IFT43: variants seen among roughly 807,000 people sequenced by gnomAD.
IFT43 encodes the protein intraflagellar transport protein 43 homolog.
A neutral mutation model predicts 32.3 loss-of-function variants in IFT43; 33 were observed. That is an observed-to-expected ratio of 1.02 (90% CI 0.77 to 1.37). The LOEUF (loss-of-function observed/expected upper bound fraction) is 1.37. IFT43 is among the 40% of genes most tolerant of loss of function. The pLI, the probability that IFT43 is intolerant of heterozygous loss-of-function variation, is 0.00. For missense variants in IFT43, 274 were observed against 265.9 expected (o/e 1.03, Z -0.21); for synonymous variants, 93 against 98.2 (o/e 0.95, Z 0.31).
chr14:76,011,951 A>C (rs1258538648), intron 2 of IFT43, among the ~76,000 whole-genome samples: 2 of 152,194 alleles, frequency 1.3e-5, no homozygotes, highest in African/African-American at 2.4e-5. Flanking sequence ...CATATAAAGA[A>C]CAACTTTCTT....
chr14:76,025,162 A>G (rs2036366539), intron 3 of IFT43, among the ~76,000 whole-genome samples: 1 of 152,248 alleles, frequency 6.6e-6, no homozygotes, highest in Non-Finnish European at 1.5e-5. Flanking sequence ...TAGTTTCTCA[A>G]AGAATAGTCA....
intron 2 of IFT43, among the ~76,000 whole-genome samples, chr14:76,016,702 T>A (rs1478583776): frequency 6.6e-6 from 1 of 152,198 alleles, no homozygotes; most frequent in East Asian, 1.9e-4. Flanking sequence ...GGATGTCTAT[T>A]TGTTTATGTC....
rs112340294 is a variant in IFT43, at chr14:75,986,809, C to G, written c.54+969C>G. Among the ~76,000 whole-genome samples, 191 of 152,250 alleles carry G rather than the reference C, an allele frequency of 1.3e-3. 1 individual carries two copies. Among genetic ancestry groups the G allele is most frequent in the African/African-American group, 4.4e-3 (183 of 41,524 alleles). On this transcript the variant is annotated intron_variant, in intron 1 of 8. Transcript: ENST00000314067. ...GTCTTTAGTGTCTGCTGTGAAATCT[C>G]TAAGTGTTTTGAAGGTCACCAGGCC...
At position 75,999,264 on chromosome 14, in the gene IFT43, TATATATATGTATA is replaced by T. The variant is rs1282216609; in HGVS notation, c.147+10288_147+10300del. ...ATATATATATATATATATATATATA[TATATATATGTATA>T]TATATTTTTTTTTTTTTTTTTTTAA... On this transcript the variant is annotated intron_variant, in intron 2 of 8. Transcript: ENST00000314067. 1.0e-3 allele frequency among the ~76,000 whole-genome samples: 27 copies of T among 26,096 alleles called. 1 individual carries two copies. The highest frequency in any genetic ancestry group is 4.1e-3 in the African/African-American group (18 of 4,374). The allele number at this position is 26,096 out of a possible 152,430, so 17.1% of individuals were successfully genotyped here. A position where few individuals can be genotyped will look rare whatever the true frequency, so the allele number is the denominator to read the frequency against.
At chr14:76,049,549 A>G (rs2036873751) in intron 3 of IFT43, among the ~76,000 whole-genome samples, 1 of 152,092 alleles carries the variant, frequency 6.6e-6, no homozygotes, top group Non-Finnish European at 1.5e-5. Context: ...ATGTATTAAA[A>G]CCAAGGAATC....
intron 5 of IFT43, among the ~76,000 whole-genome samples, chr14:76,080,186 C>T (rs925097146): frequency 7.2e-5 from 11 of 152,188 alleles, no homozygotes; most frequent in Admixed American, 2.0e-4. Context: ...TGGCTGTCAT[C>T]GCTGGCTCTG....
intron 3 of IFT43, among the ~76,000 whole-genome samples, chr14:76,029,755 A>G (rs761716136): frequency 3.9e-5 from 6 of 152,088 alleles, no homozygotes; most frequent in Non-Finnish European, 7.4e-5. Context: ...TGACTTTGCC[A>G]CAGATTGGTT....
intron 2 of IFT43, among the ~76,000 whole-genome samples, chr14:76,009,675 T>C (rs528151237): frequency 1.3e-5 from 2 of 152,306 alleles, no homozygotes; most frequent in South Asian, 2.1e-4. Context: ...ATCCATAGAA[T>C]TACAGAAGTT....
At chr14:75,993,662 G>A (rs1239817811) in intron 2 of IFT43, among the ~76,000 whole-genome samples, 1 of 152,196 alleles carries the variant, frequency 6.6e-6, no homozygotes, top group Non-Finnish European at 1.5e-5. Flanking sequence ...GTGGAGGGCA[G>A]AGCAGAGTGG....
intron 3 of IFT43, among the ~76,000 whole-genome samples, chr14:76,030,581 C>T (rs2036492369): frequency 6.6e-6 from 1 of 152,162 alleles, no homozygotes; most frequent in Admixed American, 6.5e-5. Flanking sequence ...CTGTAACACA[C>T]ATAAAGTAGT....
chr14:76,068,815 AC>A (rs1248639375), intron 5 of IFT43, among the ~76,000 whole-genome samples: 1 of 152,020 alleles, frequency 6.6e-6, no homozygotes, highest in African/African-American at 2.4e-5. Context: ...TTCATTTACA[AC>A]CCCTTGATGA....
intron 3 of IFT43, among the ~76,000 whole-genome samples, chr14:76,035,340 G>T (rs2036579409): frequency 6.6e-6 from 1 of 152,188 alleles, no homozygotes; most frequent in Non-Finnish European, 1.5e-5. Flanking sequence ...CTCATGGGCT[G>T]TTCTGGTGCC....
At chr14:76,053,572 G>A (rs58599880) in intron 3 of IFT43, among the ~76,000 whole-genome samples, 16,474 of 152,146 alleles carry the variant, frequency 0.11, 987 homozygotes, top group African/African-American at 0.17. Flanking sequence ...TTTGGAAAGG[G>A]CCATCAGCCC....
chr14:75,989,732 G>A (rs893696395), intron 2 of IFT43, among the ~76,000 whole-genome samples: 3 of 152,048 alleles, frequency 2.0e-5, no homozygotes, highest in Admixed American at 6.5e-5. Flanking sequence ...CTCCCCCACC[G>A]GACAGTGAGT....
chr14:75,997,985 C>T (rs1232177762), intron 2 of IFT43, among the ~76,000 whole-genome samples: 2 of 152,176 alleles, frequency 1.3e-5, no homozygotes, highest in Non-Finnish European at 2.9e-5. Context: ...AACCCAAATC[C>T]TTAACTTAGT....
At chr14:76,041,140 A>G (rs2036698769) in intron 3 of IFT43, among the ~76,000 whole-genome samples, 2 of 152,206 alleles carry the variant, frequency 1.3e-5, no homozygotes, top group African/African-American at 4.8e-5. Flanking sequence ...TTGTAATTAA[A>G]ACCAAGAGTG....
chr14:76,000,657 A>G (rs1214800836), intron 2 of IFT43, among the ~76,000 whole-genome samples: 1 of 152,164 alleles, frequency 6.6e-6, no homozygotes, highest in Non-Finnish European at 1.5e-5. Flanking sequence ...TTGGGAAACA[A>G]TAAACAAAAA....
intron 3 of IFT43, 154 bp downstream of exon 3, chr14:76,022,548 T>A: frequency 1.7e-6 from 1 of 574,264 alleles, no homozygotes; most frequent in Non-Finnish European, 3.2e-6. Context: ...TTAATCATTC[T>A]TAATATATTC....
chr14:75,997,283 C>G (rs745325664), intron 2 of IFT43, among the ~76,000 whole-genome samples: 8 of 152,182 alleles, frequency 5.3e-5, no homozygotes, highest in Non-Finnish European at 1.0e-4. Context: ...GCCCCTTTGG[C>G]CTTCCTTGAT....
Sources: gnomAD v4.1 joint callset for allele counts (sites outside exome capture counted in the v4.1 genomes callset) on GRCh38, gnomAD v4.1.1 for gene constraint, MANE v1.5 for transcripts, NCBI Gene and HGNC (gene_info 2026-07-23, HGNC 2026-07-21) for gene names.